The following METTL15 variants were observed in gnomAD, a reference collection of about 807,000 sequenced individuals.
The protein encoded by METTL15 is methyltransferase 15, mitochondrial 12S rRNA N4-cytidine.
Under a neutral mutation model 38.3 loss-of-function variants are expected in METTL15, and 34 were observed. That is an observed-to-expected ratio of 0.89 (90% CI 0.68 to 1.18). METTL15 has a LOEUF of 1.18. Among genes scored for constraint, METTL15 ranks in the 50% most tolerant of loss-of-function variants. The pLI, the probability that METTL15 is intolerant of heterozygous loss-of-function variation, is 0.00. For missense variants in METTL15, 438 were observed against 498.4 expected (o/e 0.88, Z 1.15); for synonymous variants, 162 against 170.9 (o/e 0.95, Z 0.41).
At chr11:28,276,484 G>A (rs938500615) in intron 4 of METTL15, among the ~76,000 whole-genome samples, 2 of 152,092 alleles carry the variant, frequency 1.3e-5, no homozygotes, top group South Asian at 4.1e-4. Context: ...TGGATCTGAA[G>A]AACTAATATC....
intron 4 of METTL15, among the ~76,000 whole-genome samples, chr11:28,272,731 A>G (rs1333050407): frequency 6.6e-6 from 1 of 152,204 alleles, no homozygotes; most frequent in African/African-American, 2.4e-5. Context: ...AAAAGAAAAA[A>G]GAATTACTAT....
chr11:28,415,821 T>C (rs547292147), intron 5 of METTL15, among the ~76,000 whole-genome samples: 98 of 152,174 alleles, frequency 6.4e-4, no homozygotes, highest in Non-Finnish European at 1.3e-3. Context: ...TGTTAGAAAA[T>C]AGAATCCATG....
At chr11:28,419,013 A>G (rs1850797371) in intron 5 of METTL15, among the ~76,000 whole-genome samples, 1 of 152,238 alleles carries the variant, frequency 6.6e-6, no homozygotes, top group South Asian at 2.1e-4. Flanking sequence ...GCAACTCCCC[A>G]GCAAGTCCTA....
chr11:28,199,175 A>AT lies in METTL15; in HGVS notation c.271-11880dup, dbSNP rs544826906. ...ATATACAGTGAAGGTAATTTAATTT[A>AT]TTTTTTTGTTTTTTACATGAATCAA... On this transcript the variant is annotated intron_variant, in intron 3 of 6. Coordinates refer to ENST00000407364, the MANE Select transcript of METTL15 (RefSeq NM_001113528.2). 1.7e-3 allele frequency among the ~76,000 whole-genome samples: 257 copies of AT among 152,060 alleles called. 3 individuals carry two copies. Among genetic ancestry groups the AT allele is most frequent in the East Asian group, 6.6e-3 (34 of 5,168 alleles).
intron 6 of METTL15, among the ~76,000 whole-genome samples, chr11:28,319,454 TG>T (rs1305106832): frequency 2.6e-5 from 4 of 151,758 alleles, no homozygotes; most frequent in South Asian, 2.1e-4. Flanking sequence ...TAAAATAAGG[TG>T]TTGTTTTTTT....
chr11:28,162,886 T>C (rs1156946124), intron 3 of METTL15, among the ~76,000 whole-genome samples: 1 of 152,112 alleles, frequency 6.6e-6, no homozygotes, highest in Non-Finnish European at 1.5e-5. Flanking sequence ...TTTCACACCA[T>C]AGTAAAGTTA....
intron 6 of METTL15, among the ~76,000 whole-genome samples, chr11:28,319,055 C>T (rs1386809888): frequency 6.6e-6 from 1 of 152,174 alleles, no homozygotes; most frequent in Non-Finnish European, 1.5e-5. Context: ...CTGCCTTCAC[C>T]AGATGTGCTG....
At chr11:28,364,983 G>C (rs910115860) in intron 5 of METTL15, among the ~76,000 whole-genome samples, 1 of 152,136 alleles carries the variant, frequency 6.6e-6, no homozygotes, top group African/African-American at 2.4e-5. Flanking sequence ...CACATTTATT[G>C]ATTTGTGTTT....
chr11:28,249,918 C>T (rs754223397), intron 4 of METTL15, among the ~76,000 whole-genome samples: 42 of 151,854 alleles, frequency 2.8e-4, no homozygotes, highest in Non-Finnish European at 4.3e-4. Context: ...CTGTTTTTCC[C>T]CTATGTCCAT....
intron 5 of METTL15, among the ~76,000 whole-genome samples, chr11:28,391,648 G>A (rs568888916): frequency 1.5e-3 from 232 of 152,082 alleles, no homozygotes; most frequent in Non-Finnish European, 2.9e-3. Context: ...CAGAGCCCTC[G>A]GAAATAACAC....
At chr11:28,468,142 G>C (rs985017929) in intron 6 of METTL15, among the ~76,000 whole-genome samples, 1 of 152,166 alleles carries the variant, frequency 6.6e-6, no homozygotes, top group African/African-American at 2.4e-5. Context: ...TTGTTTTCCA[G>C]TCCTGCCCCG....
Position 28,390,265 on chromosome 11 carries a change from G to C in METTL15, c.*358+28229G>C, listed in dbSNP as rs930457775. ...CCATTTGTCAATTTTGGCTTTTGTT[G>C]CCATTGCTTTTGGTGTTTTAGACAT... is the stretch of plus-strand genomic sequence containing the variant. On this transcript the variant is annotated intron_variant and NMD_transcript_variant, in intron 5 of 7. Transcript: ENST00000532947. Among the ~76,000 whole-genome samples, 5 of 150,480 alleles carry C rather than the reference G, an allele frequency of 3.3e-5. No individual in the cohort carries two copies. In the East Asian group the frequency reaches 5.9e-4, roughly 18 times the overall value.
chr11:28,408,355 C>G (rs1354799941), intron 5 of METTL15, among the ~76,000 whole-genome samples: 1 of 152,036 alleles, frequency 6.6e-6, no homozygotes, highest in East Asian at 1.9e-4. Context: ...ACAACAACAA[C>G]AAGAAAACCG....
At chr11:28,309,310 G>C (rs1038165812) in intron 6 of METTL15, among the ~76,000 whole-genome samples, 29 of 152,110 alleles carry the variant, frequency 1.9e-4, no homozygotes, top group African/African-American at 6.3e-4. Flanking sequence ...ACTGTTGACT[G>C]ACAAACCTCC....
rs938478765 is a variant in METTL15, at chr11:28,319,862, C to T, written c.779-10534C>T. ...AAAAGGAGTGTAGCATGTTGCATTT[C>T]CCAGACTTACTTGACAACAGATACA... is the stretch of plus-strand genomic sequence containing the variant. On this transcript the variant is annotated intron_variant, in intron 6 of 6. Transcript: ENST00000407364. Among the ~76,000 whole-genome samples the T allele has an allele frequency of 3.3e-5, 5 of 152,240 alleles. No individual in the cohort carries two copies. In the South Asian group the frequency reaches 1.0e-3, roughly 32 times the overall value.
intron 6 of METTL15, among the ~76,000 whole-genome samples, chr11:28,512,868 G>C (rs916086310): frequency 1.3e-5 from 2 of 152,202 alleles, no homozygotes; most frequent in East Asian, 3.9e-4. Context: ...CAAGGGCTGC[G>C]AGGGCTGCCA....
chr11:28,190,133 A>T (rs777185352), intron 3 of METTL15, among the ~76,000 whole-genome samples: 8 of 151,200 alleles, frequency 5.3e-5, no homozygotes, highest in Non-Finnish European at 1.2e-4. Flanking sequence ...TGGTTTTAAG[A>T]TTACTCCTCA....
chr11:28,413,404 TAAAA>T (rs561129347), intron 5 of METTL15, among the ~76,000 whole-genome samples: 1 of 152,122 alleles, frequency 6.6e-6, no homozygotes, highest in African/African-American at 2.4e-5. Context: ...CATTTCCACT[TAAAA>T]AAAGATTTAT....
At chr11:28,313,180 T>A (rs1857367011) in intron 6 of METTL15, among the ~76,000 whole-genome samples, 3 of 152,164 alleles carry the variant, frequency 2.0e-5, no homozygotes, top group Admixed American at 2.0e-4. Flanking sequence ...TAAAATAGGA[T>A]AATGGTTTCT....
Sources: allele counts gnomAD v4.1 joint callset (sites outside exome capture counted in the v4.1 genomes callset), GRCh38; gene constraint gnomAD v4.1.1; transcripts MANE v1.5; gene names NCBI Gene and HGNC (gene_info 2026-07-23, HGNC 2026-07-21).